The following PPM1D variants were observed in gnomAD, a reference collection of about 807,000 sequenced individuals.
PPM1D encodes protein phosphatase, Mg2+/Mn2+ dependent 1D, also known as protein phosphatase 1D.
Under a neutral mutation model 58.3 loss-of-function variants are expected in PPM1D, and 52 were observed. The observed-to-expected ratio is 0.89, with a 90% CI of 0.71 to 1.12. The LOEUF (loss-of-function observed/expected upper bound fraction) is 1.12. Ranked by LOEUF, PPM1D falls within the 50% of genes most tolerant of loss-of-function variation. The probability of loss-of-function intolerance (pLI) is 0.00; values close to 1 mark genes in which losing one functional copy is unlikely to be tolerated. For synonymous variants in PPM1D, 278 were observed against 285.1 expected (o/e 0.98, Z 0.25); for missense variants, 564 against 777.2 (o/e 0.73, Z 3.26).
chr17:60,612,941 G>T (rs1377123345), intron 1 of PPM1D, among the ~76,000 whole-genome samples: 2 of 152,150 alleles, frequency 1.3e-5, no homozygotes, highest in Non-Finnish European at 2.9e-5. Context: ...TTCTTTGAAG[G>T]ATGCGACAGT....
chr17:60,648,678 C>T (rs2031291711), intron 4 of PPM1D, among the ~76,000 whole-genome samples: 1 of 151,974 alleles, frequency 6.6e-6, no homozygotes, highest in Non-Finnish European at 1.5e-5. Context: ...CTGCGCCCGG[C>T]CAAAATTTAT....
intron 1 of PPM1D, among the ~76,000 whole-genome samples, chr17:60,618,941 A>T (rs113943656): frequency 5.4e-4 from 82 of 152,312 alleles, no homozygotes; most frequent in African/African-American, 1.6e-3. Flanking sequence ...TTTCAAGTAT[A>T]CAAAACAGTA....
chr17:60,631,974 C>G lies in PPM1D; in HGVS notation c.702-1879C>G, dbSNP rs565028689. ...TGGGTGGATCACGAGGTCAGGAGAT[C>G]GAGACCATCCTGGCTAACCTGGTGA... On this transcript the variant is annotated intron_variant, in intron 2 of 5. Coordinates refer to ENST00000305921, the MANE Select transcript of PPM1D (RefSeq NM_003620.4). Among the ~76,000 whole-genome samples the G allele has an allele frequency of 1.2e-3, 185 of 152,052 alleles. 2 individuals are homozygous for G. Among genetic ancestry groups the G allele is most frequent in the African/African-American group, 4.2e-3 (175 of 41,470 alleles).
chr17:60,621,717 G>A (rs1212339324), intron 1 of PPM1D, among the ~76,000 whole-genome samples: 1 of 150,884 alleles, frequency 6.6e-6, no homozygotes, highest in East Asian at 2.0e-4. Flanking sequence ...GGGACTACGG[G>A]CACCTGCCAC....
chr17:60,608,405 T>C (rs1423444507), intron 1 of PPM1D, among the ~76,000 whole-genome samples: 3 of 152,170 alleles, frequency 2.0e-5, no homozygotes, highest in Admixed American at 6.6e-5. Context: ...CTCACGCCTG[T>C]AATCCCAGCA....
At chr17:60,656,536 G>A (rs2031442374) in intron 4 of PPM1D, 63 bp from the exon 5 acceptor site, 10 of 1,571,782 alleles carry the variant, frequency 6.4e-6, no homozygotes, top group Non-Finnish European at 8.6e-6. Context: ...ATTTGATATA[G>A]ATACAGATGT....
chr17:60,657,343 T>C (rs1187343635), intron 5 of PPM1D, among the ~76,000 whole-genome samples: 2 of 152,240 alleles, frequency 1.3e-5, no homozygotes, highest in African/African-American at 4.8e-5. Context: ...TAATATTGAT[T>C]GAGTTTAAGA....
intron 1 of PPM1D, among the ~76,000 whole-genome samples, chr17:60,614,603 C>G (rs1278094961): frequency 6.6e-6 from 1 of 152,112 alleles, no homozygotes; most frequent in Non-Finnish European, 1.5e-5. Context: ...ACCGTGGAAG[C>G]TTAGTTCTTT....
intron 4 of PPM1D, 114 bp downstream of exon 4, chr17:60,648,196 C>A: frequency 9.1e-7 from 1 of 1,097,432 alleles, no homozygotes; most frequent in Non-Finnish European, 1.3e-6. Context: ...TTGCATTTGC[C>A]TTGATCTGCT....
In PPM1D at chr17:60,605,587, G is replaced by A. The variant is rs117497059; in HGVS notation, c.472+4701G>A. Reference sequence around the variant, plus strand: ...TTAAAATTTCTCCTTTTAAAAAATTGTGCTAAAATACAGATAACATAAAGT... The same window carrying A: ...TTAAAATTTCTCCTTTTAAAAAATTATGCTAAAATACAGATAACATAAAGT... On this transcript the variant is annotated intron_variant, in intron 1 of 5. Transcript: ENST00000305921. Among the ~76,000 whole-genome samples, 76 of 152,228 alleles carry A rather than the reference G, an allele frequency of 5.0e-4. No homozygotes were observed. The East Asian group carries it at 0.013, about 26-fold the overall frequency.
intron 1 of PPM1D, among the ~76,000 whole-genome samples, chr17:60,607,175 T>C (rs1279840388): frequency 6.6e-6 from 1 of 152,148 alleles, no homozygotes; most frequent in Non-Finnish European, 1.5e-5. Context: ...CTTTTTTCTT[T>C]ATTCATGATC....
intron 2 of PPM1D, among the ~76,000 whole-genome samples, chr17:60,630,613 C>T (rs771173438): frequency 1.3e-5 from 2 of 152,166 alleles, no homozygotes; most frequent in Non-Finnish European, 2.9e-5. Flanking sequence ...ACAGGAAGTG[C>T]AGTAAAAGCA....
At chr17:60,637,702 T>A (rs2031052013) in intron 3 of PPM1D, among the ~76,000 whole-genome samples, 3 of 151,892 alleles carry the variant, frequency 2.0e-5, no homozygotes, top group African/African-American at 7.3e-5. Flanking sequence ...GGGGACAAGG[T>A]CTAGTGGCTG....
At chr17:60,635,911 A>G (rs1012024900) in intron 3 of PPM1D, among the ~76,000 whole-genome samples, 4 of 152,218 alleles carry the variant, frequency 2.6e-5, no homozygotes, top group African/African-American at 7.2e-5. Flanking sequence ...CCTCCGGCTC[A>G]GGAACCCGGG....
chr17:60,635,185 C>T (rs2030999919), intron 3 of PPM1D, among the ~76,000 whole-genome samples: 1 of 151,678 alleles, frequency 6.6e-6, no homozygotes, highest in African/African-American at 2.4e-5. Flanking sequence ...ATGAAAAATA[C>T]TGCAATAAAT....
intron 1 of PPM1D, among the ~76,000 whole-genome samples, chr17:60,608,949 G>C (rs963884461): frequency 1.3e-5 from 2 of 149,526 alleles, no homozygotes; most frequent in Admixed American, 6.7e-5. Flanking sequence ...GGGTTTCACC[G>C]TGTTAGCCAG....
At chr17:60,637,571 C>A (rs192605653) in intron 3 of PPM1D, among the ~76,000 whole-genome samples, 1 of 152,138 alleles carries the variant, frequency 6.6e-6, no homozygotes, top group Non-Finnish European at 1.5e-5. Context: ...ATTTGGCTTC[C>A]CATTATAAGA....
chr17:60,660,915 A>G (rs2031514363), intron 5 of PPM1D, among the ~76,000 whole-genome samples: 1 of 152,118 alleles, frequency 6.6e-6, no homozygotes, highest in African/African-American at 2.4e-5. Context: ...AGCACTTCTA[A>G]GAAAGTTGTA....
chr17:60,654,723 C>T (rs1056577559), intron 4 of PPM1D, among the ~76,000 whole-genome samples: 1 of 151,606 alleles, frequency 6.6e-6, no homozygotes, highest in East Asian at 2.0e-4. Flanking sequence ...AAAAATTTAG[C>T]TGGGCATGGT....
Sources: allele counts gnomAD v4.1 joint callset (sites outside exome capture counted in the v4.1 genomes callset), GRCh38; gene constraint gnomAD v4.1.1; transcripts MANE v1.5; gene names NCBI Gene and HGNC (gene_info 2026-07-23, HGNC 2026-07-21).